RAB3C: variants seen among roughly 807,000 people sequenced by gnomAD.
RAB3C encodes RAB3C, member RAS oncogene family, also known as ras-related protein Rab-3C.
In RAB3C, 17 loss-of-function variants were observed where a neutral mutation model predicts 26.4. The ratio of observed to expected loss-of-function variants is 0.64; its 90% confidence interval spans 0.44 to 0.97. The LOEUF (loss-of-function observed/expected upper bound fraction) is 0.97, where lower values mean the gene tolerates loss of function less well. RAB3C is among the 50% of genes least tolerant of loss of function. RAB3C has a pLI of 0.00. For synonymous variants in RAB3C, 91 were observed against 95.9 expected (o/e 0.95, Z 0.30); for missense variants, 242 against 281.9 (o/e 0.86, Z 1.01).
At chr5:58,837,944 T>C (rs953682499) in intron 4 of RAB3C, among the ~76,000 whole-genome samples, 1 of 152,244 alleles carries the variant, frequency 6.6e-6, no homozygotes, top group Non-Finnish European at 1.5e-5. Flanking sequence ...TAGTTGTCCA[T>C]AGTAGTCTCT....
chr5:58,838,291 AATGGC>A (rs1438157111), intron 4 of RAB3C, among the ~76,000 whole-genome samples: 2 of 151,928 alleles, frequency 1.3e-5, no homozygotes, highest in Non-Finnish European at 2.9e-5. Flanking sequence ...GAGGCAGGAG[AATGGC>A]ATGAACCTGG....
chr5:58,617,115 T>G (rs188886599), intron 1 of RAB3C, among the ~76,000 whole-genome samples: 1 of 152,310 alleles, frequency 6.6e-6, no homozygotes, highest in African/African-American at 2.4e-5. Context: ...TCATAATTAT[T>G]TTTAATTTAA....
At chr5:58,811,840 T>C (rs1178618288) in intron 3 of RAB3C, among the ~76,000 whole-genome samples, 7 of 150,904 alleles carry the variant, frequency 4.6e-5, no homozygotes, top group Non-Finnish European at 1.0e-4. Flanking sequence ...CCGAGCATGG[T>C]GCCCCCTGAC....
rs114778039 is a variant in RAB3C at position 58,595,810 on chromosome 5, G to A, written c.24+12578G>A. ...AATGTCTGGTGTTTTTTGCTGCCAAGAAATGATGAGAAACCTTATGTATAT... is the reference window on the plus strand; with the variant it reads ...AATGTCTGGTGTTTTTTGCTGCCAAAAAATGATGAGAAACCTTATGTATAT... On this transcript the variant is annotated intron_variant, in intron 1 of 4. Coordinates refer to ENST00000282878, the MANE Select transcript of RAB3C (RefSeq NM_138453.4). Among the ~76,000 whole-genome samples, 237 of 152,170 alleles carry A rather than the reference G, an allele frequency of 1.6e-3. 2 individuals are homozygous for A. Among genetic ancestry groups the A allele is most frequent in the African/African-American group, 5.4e-3 (225 of 41,534 alleles).
rs185572992 is a variant in RAB3C at position 58,783,301 on chromosome 5, C to T, written c.372-41737C>T. ...TTACATCAAGCTCAGCTGAGTAAAA[C>T]GTTTATTTTCTTATTCATGTATGGT... On this transcript the variant is annotated intron_variant, in intron 3 of 4. Transcript: ENST00000282878. Among the ~76,000 whole-genome samples the T allele has an allele frequency of 1.1e-3, 169 of 152,094 alleles. 1 individual carries two copies. Among genetic ancestry groups the T allele is most frequent in the African/African-American group, 3.7e-3 (152 of 41,500 alleles).
intron 4 of RAB3C, among the ~76,000 whole-genome samples, chr5:58,836,039 G>A (rs759217142): frequency 7.9e-5 from 12 of 152,236 alleles, no homozygotes; most frequent in Middle Eastern, 3.4e-3. Context: ...CAAACTCACA[G>A]GGGACAGATT....
chr5:58,686,495 A>G (rs867269647), intron 2 of RAB3C, among the ~76,000 whole-genome samples: 1 of 152,270 alleles, frequency 6.6e-6, no homozygotes, highest in Non-Finnish European at 1.5e-5. Flanking sequence ...ATAGATTAGC[A>G]ATAGTTACTT....
At chr5:58,709,856 T>G (rs293018) in intron 2 of RAB3C, among the ~76,000 whole-genome samples, 91,877 of 152,022 alleles carry the variant, frequency 0.6, 28,294 homozygotes, top group African/African-American at 0.7. Context: ...AAACAAGTCA[T>G]TGAAAAGCCA....
At chr5:58,803,278 C>T (rs943622379) in intron 3 of RAB3C, among the ~76,000 whole-genome samples, 13 of 152,142 alleles carry the variant, frequency 8.5e-5, no homozygotes, top group Admixed American at 6.5e-4. Flanking sequence ...CTGGGAAAAG[C>T]TGTTAATGAA....
chr5:58,651,905 A>T (rs957867994), intron 2 of RAB3C, among the ~76,000 whole-genome samples: 1 of 152,222 alleles, frequency 6.6e-6, no homozygotes, highest in Non-Finnish European at 1.5e-5. Context: ...TAGATTACTT[A>T]TAATACCTAA....
At chr5:58,810,889 G>T (rs1031004975) in intron 3 of RAB3C, among the ~76,000 whole-genome samples, 1 of 152,156 alleles carries the variant, frequency 6.6e-6, no homozygotes, top group Non-Finnish European at 1.5e-5. Flanking sequence ...GAGCCACCGT[G>T]CCCAGCCCCT....
At chr5:58,729,424 C>A (rs181522421) in intron 3 of RAB3C, among the ~76,000 whole-genome samples, 2,337 of 151,900 alleles carry the variant, frequency 0.015, 20 homozygotes, top group Middle Eastern at 0.024. Context: ...TCCCTGCACC[C>A]CTCAGCAAAC....
chr5:58,662,636 A>G (rs909612176), intron 2 of RAB3C, among the ~76,000 whole-genome samples: 1 of 150,282 alleles, frequency 6.7e-6, no homozygotes, highest in African/African-American at 2.5e-5. Context: ...ATTCAAATCC[A>G]TTGAGCTGGA....
intron 1 of RAB3C, among the ~76,000 whole-genome samples, chr5:58,614,018 G>A (rs955986488): frequency 2.2e-4 from 34 of 152,108 alleles, no homozygotes; most frequent in Non-Finnish European, 4.0e-4. Context: ...CTCAGATGAT[G>A]GATGCCATGA....
chr5:58,735,480 T>A (rs899944417), intron 3 of RAB3C, among the ~76,000 whole-genome samples: 13 of 152,168 alleles, frequency 8.5e-5, no homozygotes, highest in African/African-American at 2.9e-4. Flanking sequence ...GCATATTAGT[T>A]TGCTAGGGTT....
rs1482763068 is a variant in RAB3C, at chr5:58,693,322, TTATATATATATGTGTATATATATATA to T, written c.253-32668_253-32643del. ...TAATTATATAAATAAAATTAAGAAA[TTATATATATATGTGTATATATATATA>T]TATATATATATATAAAATTTCTTAA... On this transcript the variant is annotated intron_variant, in intron 2 of 4. Transcript: ENST00000282878. 1.2e-4 allele frequency among the ~76,000 whole-genome samples: 9 copies of T among 75,238 alleles called. 1 individual carries two copies. Among genetic ancestry groups the T allele is most frequent in the African/African-American group, 5.3e-4 (8 of 15,010 alleles). 49.4% of individuals were successfully genotyped at this position (75,238 alleles called of 152,430 possible). A position where few individuals can be genotyped will look rare whatever the true frequency, so the allele number is the denominator to read the frequency against.
At chr5:58,596,621 A>G (rs1271882501) in intron 1 of RAB3C, among the ~76,000 whole-genome samples, 7 of 112,824 alleles carry the variant, frequency 6.2e-5, no homozygotes, top group African/African-American at 2.5e-4. Context: ...TATATAATAT[A>G]TAATACATAA....
chr5:58,613,519 T>C (rs1445538150), intron 1 of RAB3C, among the ~76,000 whole-genome samples: 1 of 152,104 alleles, frequency 6.6e-6, no homozygotes, highest in Non-Finnish European at 1.5e-5. Context: ...CAGATCACAA[T>C]TGAATTGTAA....
At chr5:58,815,402 A>C (rs1743194392) in intron 3 of RAB3C, among the ~76,000 whole-genome samples, 1 of 152,194 alleles carries the variant, frequency 6.6e-6, no homozygotes, top group Admixed American at 6.5e-5. Flanking sequence ...AGTAACTCCT[A>C]AGATATCCTC....
Sources: allele counts gnomAD v4.1 joint callset (sites outside exome capture counted in the v4.1 genomes callset), GRCh38; gene constraint gnomAD v4.1.1; transcripts MANE v1.5; gene names NCBI Gene and HGNC (gene_info 2026-07-23, HGNC 2026-07-21).